MBOAT7: variants seen among roughly 807,000 people sequenced by gnomAD.
MBOAT7 encodes the protein membrane-bound acylglycerophosphatidylinositol O-acyltransferase MBOAT7.
In MBOAT7, 40 loss-of-function variants were observed where a neutral mutation model predicts 47.4. The observed-to-expected ratio is 0.84, with a 90% CI of 0.66 to 1.10. MBOAT7 has a LOEUF of 1.10. Among genes scored for constraint, MBOAT7 ranks in the 50% least tolerant of loss-of-function variants. MBOAT7 has a pLI of 0.00. For missense variants in MBOAT7, 680 were observed against 655.6 expected (o/e 1.04, Z -0.41); for synonymous variants, 361 against 292.0 (o/e 1.24, Z -2.41).
chr19:54,184,819 G>A (rs532825859), intron 4 of MBOAT7, among the ~76,000 whole-genome samples: 1 of 151,184 alleles, frequency 6.6e-6, no homozygotes, highest in East Asian at 2.0e-4. Flanking sequence ...CAGGAGAATC[G>A]CTTGAACCTG....
At chr19:54,183,963 C>A (rs2076358174) in intron 4 of MBOAT7, among the ~76,000 whole-genome samples, 1 of 152,122 alleles carries the variant, frequency 6.6e-6, no homozygotes. Flanking sequence ...CAGCCCCAGA[C>A]CTATCCAATC....
chr19:54,188,523 G>A lies in MBOAT7; in HGVS notation c.-3-12C>T. On this transcript the variant is annotated splice_polypyrimidine_tract_variant and intron_variant, in intron 1 of 7. Transcript: ENST00000245615. ...TCAGGCGACATGGTCTGGGGGAGGG[G>A]CAGAGATTCACAGTGAGAACCCAGG... The A allele has an allele frequency of 6.4e-7, 1 of 1,551,150 alleles. No homozygotes were observed. Among genetic ancestry groups the A allele is most frequent in the Non-Finnish European group, 8.7e-7 (1 of 1,146,666 alleles).
Position 54,174,273 on chromosome 19 carries a change from C to T in MBOAT7, c.1190G>A (p.Trp397Ter). 6.2e-7 allele frequency: 1 copy of T among 1,612,124 alleles called. No individual in the cohort carries two copies. The highest frequency in any genetic ancestry group is 8.5e-7 in the Non-Finnish European group (1 of 1,178,990). ...LSPGGQKAWD[W>*]VHWFLKMRAY... ...GCGCATCTTCAGGAACCAGTGCACC[C>T]AGTCCCAGGCCTTCTGGCCCCCTGG... The change falls in exon 8 of 8, where the codon TGG becomes TAG. Residue 397 changes from tryptophan to a stop codon, truncating the protein, a stop_gained. Coordinates refer to ENST00000245615, the MANE Select transcript of MBOAT7 (RefSeq NM_024298.5). LOFTEE classifies it high-confidence loss of function.
Position 54,180,877 on chromosome 19 carries a change from A to G in MBOAT7, c.750T>C (p.Ile250=). The G allele has an allele frequency of 1.3e-6, 2 of 1,593,086 alleles. No individual in the cohort carries two copies. The highest frequency in any genetic ancestry group is 1.7e-6 in the Non-Finnish European group (2 of 1,172,014). Residue 250 remains isoleucine (I), a synonymous_variant, in exon 6 of 8, where the codon ATT becomes ATC. Transcript: ENST00000245615. The surrounding 1 kb of genome is among the most constrained non-coding windows in gnomAD (Gnocchi z 5.2). ...CGGCAATGCAGCCGCACTCGGCGGC[A>G]ATCCAGGCCACGTAGAAGCGCATGC... ...AFRMRFYVAW[I]AAECGCIAAG...
chr19:54,178,796 T>C lies in MBOAT7; in HGVS notation c.1000A>G (p.Lys334Glu). 6 of 1,613,394 alleles carry C rather than the reference T, an allele frequency of 3.7e-6. No individual in the cohort carries two copies. Among genetic ancestry groups the C allele is most frequent in the Non-Finnish European group, 5.1e-6 (6 of 1,180,006 alleles). Residue 334 changes from lysine (K) to glutamate (E), a missense_variant, in exon 7 of 8, where the codon AAG becomes GAG. Lys to Glu is a moderately conservative substitution (Grantham distance 56, BLOSUM62 1). Transcript: ENST00000245615. The stretch of plus-strand genomic sequence containing the variant: ...ACATAGGAACGGGCAGGTGCGCTCT[T>C]GTAGATATACTGCGCCAGCCACCAC... ...VQWWLAQYIY[K>E]SAPARSYVLR...
chr19:54,174,290 GC>G lies in MBOAT7; in HGVS notation c.1172del (p.Gly391AlafsTer12), dbSNP rs35678427. 2 of 1,612,716 alleles carry G rather than the reference GC, an allele frequency of 1.2e-6. No individual in the cohort carries two copies. The highest frequency in any genetic ancestry group is 1.7e-6 in the Non-Finnish European group (2 of 1,179,284). Reference sequence around the variant, plus strand: ...AGTGCACCCAGTCCCAGGCCTTCTGGCCCCCTGGGCTCAGCCGCCCCCGCAG... The same window carrying G: ...AGTGCACCCAGTCCCAGGCCTTCTGGCCCCTGGGCTCAGCCGCCCCCGCAG... ...SALRGRLSPG[G>X]QKAWDWVHWF... is the part of the protein sequence containing the mutation. On this transcript the variant is annotated frameshift_variant, in exon 8 of 8. Coordinates refer to ENST00000245615, the MANE Select transcript of MBOAT7 (RefSeq NM_024298.5). LOFTEE classifies it high-confidence loss of function.
At chr19:54,185,977 T>A (rs2076418828) in intron 4 of MBOAT7, among the ~76,000 whole-genome samples, 1 of 125,914 alleles carries the variant, frequency 7.9e-6, no homozygotes, top group Non-Finnish European at 1.8e-5. Flanking sequence ...ATTACAGGCG[T>A]GAGCCACCCG....
At chr19:54,174,975 G>GT (rs34483717) in intron 7 of MBOAT7, among the ~76,000 whole-genome samples, 15,829 of 127,866 alleles carry the variant, frequency 0.12, 1,113 homozygotes, top group South Asian at 0.19. Context: ...CAGCCCAGTG[G>GT]TTTTTTTTTT....
At chr19:54,178,593 C>T in intron 7 of MBOAT7, 172 bp downstream of exon 7, 7 of 1,429,210 alleles carry the variant, frequency 4.9e-6, no homozygotes, top group Non-Finnish European at 5.5e-6. Context: ...AACGATTTTA[C>T]ACCGGCATGC....
At chr19:54,184,952 A>C (rs1043313516) in intron 4 of MBOAT7, among the ~76,000 whole-genome samples, 1 of 150,110 alleles carries the variant, frequency 6.7e-6, no homozygotes, top group Non-Finnish European at 1.5e-5. Context: ...GCTCACACCT[A>C]TAACACTAGC....
chr19:54,188,065 G>C (rs199659236), intron 3 of MBOAT7, 152 bp downstream of exon 3: 3 of 215,814 alleles, frequency 1.4e-5, no homozygotes, highest in South Asian at 8.9e-5. Context: ...AAGAAAGAAA[G>C]AAAGACAAAC....
intron 7 of MBOAT7, among the ~76,000 whole-genome samples, chr19:54,174,998 C>CA (rs2076048701): frequency 7.9e-6 from 1 of 127,340 alleles, no homozygotes; most frequent in South Asian, 2.9e-4. Context: ...TTTTTTGAGA[C>CA]AGAGTCTCGC....
At chr19:54,187,090 G>T in intron 4 of MBOAT7, 71 bp downstream of exon 4, 3 of 1,493,674 alleles carry the variant, frequency 2.0e-6, no homozygotes, top group Non-Finnish European at 2.7e-6. Context: ...AGCCACTGAA[G>T]GGGGAGGTAA....
At chr19:54,175,775 A>T (rs980422995) in intron 7 of MBOAT7, among the ~76,000 whole-genome samples, 1 of 152,102 alleles carries the variant, frequency 6.6e-6, no homozygotes, top group Non-Finnish European at 1.5e-5. Flanking sequence ...CCCATGCTGG[A>T]GTGCAGTGGT....
chr19:54,188,184 CCT>C, intron 3 of MBOAT7, 31 bp downstream of exon 3: 2 of 1,566,454 alleles, frequency 1.3e-6, no homozygotes, highest in Middle Eastern at 1.8e-4. Flanking sequence ...CCTCTCCCCT[CCT>C]CTCCCTCTCC....
intron 4 of MBOAT7, among the ~76,000 whole-genome samples, chr19:54,185,415 A>C (rs962632865): frequency 6.6e-6 from 1 of 151,986 alleles, no homozygotes; most frequent in Non-Finnish European, 1.5e-5. Flanking sequence ...CCCTGGGCCT[A>C]GGGTTGGGAA....
intron 7 of MBOAT7, 47 bp downstream of exon 7, chr19:54,178,718 G>A (rs762285016): frequency 6.9e-6 from 11 of 1,599,482 alleles, no homozygotes; most frequent in Non-Finnish European, 9.4e-6. Flanking sequence ...GGCCTGCTGG[G>A]AGATGTAGTT....
chr19:54,187,702 C>A (rs1012828856), intron 3 of MBOAT7, among the ~76,000 whole-genome samples: 2 of 152,124 alleles, frequency 1.3e-5, no homozygotes, highest in African/African-American at 4.8e-5. Context: ...AGGGACCAGA[C>A]GCAGAAGGCA....
At chr19:54,179,039 G>A in intron 6 of MBOAT7, 98 bp from the exon 7 acceptor site, 1 of 1,492,096 alleles carries the variant, frequency 6.7e-7, no homozygotes, top group Non-Finnish European at 9.0e-7. Context: ...CTAAGGAAGG[G>A]ATCCTGGCCA....
Sources: gnomAD v4.1 joint callset for allele counts (sites outside exome capture counted in the v4.1 genomes callset) on GRCh38, gnomAD v4.1.1 for gene constraint, Gnocchi (gnomAD v3.1) non-coding constraint, MANE v1.5 for transcripts, NCBI Gene and HGNC (gene_info 2026-07-23, HGNC 2026-07-21) for gene names.